The following SMYD3 variants were observed in gnomAD, a reference collection of about 807,000 sequenced individuals.
SMYD3 encodes SET and MYND domain containing 3.
SMYD3 carries 36 observed loss-of-function variants against 57.7 expected under a neutral mutation model. The observed-to-expected ratio is 0.62, with a 90% CI of 0.48 to 0.82. The LOEUF (loss-of-function observed/expected upper bound fraction) is 0.82. SMYD3 is among the 40% of genes least tolerant of loss of function. The pLI is 0.00. For synonymous variants in SMYD3, 211 were observed against 195.0 expected, an observed-to-expected ratio of 1.08 and a Z score of -0.68; for missense variants, 515 against 538.8, an observed-to-expected ratio of 0.96 and a Z score of 0.44.
chr1:245,842,177 C>T (rs192605144), intron 10 of SMYD3, among the ~76,000 whole-genome samples: 3 of 152,272 alleles, frequency 2.0e-5, no homozygotes, highest in South Asian at 4.1e-4. Context: ...TTTCTCCGAA[C>T]GTATCCCCAT....
intron 10 of SMYD3, among the ~76,000 whole-genome samples, chr1:245,797,137 AT>A (rs1429583199): frequency 6.6e-6 from 1 of 152,156 alleles, no homozygotes; most frequent in East Asian, 1.9e-4. Context: ...ATATGAGGGG[AT>A]TTGGTGAATG....
At chr1:246,021,949 C>T (rs2148229320) in intron 5 of SMYD3, among the ~76,000 whole-genome samples, 1 of 152,284 alleles carries the variant, frequency 6.6e-6, no homozygotes, top group East Asian at 1.9e-4. Context: ...AGGGGCACAG[C>T]ACTTCAAACT....
intron 5 of SMYD3, among the ~76,000 whole-genome samples, chr1:246,163,238 C>T (rs1021581279): frequency 3.3e-5 from 5 of 152,190 alleles, no homozygotes; most frequent in Non-Finnish European, 7.3e-5. Context: ...GGCTGTTTGA[C>T]ATTTTCCAGC....
intron 5 of SMYD3, among the ~76,000 whole-genome samples, chr1:246,319,259 C>CAGCTAAA (rs943252070): frequency 6.6e-6 from 1 of 152,212 alleles, no homozygotes; most frequent in African/African-American, 2.4e-5. Flanking sequence ...ATAATCCCAA[C>CAGCTAAA]AGCTAAGTAT....
intron 10 of SMYD3, among the ~76,000 whole-genome samples, chr1:245,778,473 T>A (rs532975393): frequency 1.9e-4 from 29 of 152,368 alleles, no homozygotes; most frequent in African/African-American, 6.5e-4. Context: ...CTACCTTTTC[T>A]ATTATATCCA....
At chr1:245,771,115 CACAT>C (rs1411216083) in intron 10 of SMYD3, among the ~76,000 whole-genome samples, 1 of 151,528 alleles carries the variant, frequency 6.6e-6, no homozygotes, top group South Asian at 2.1e-4. Context: ...TACATATATA[CACAT>C]ACATATATAT....
rs918680257 is a variant in SMYD3, at chr1:246,080,520, T to C, written c.532-150583A>G. 5.3e-5 allele frequency among the ~76,000 whole-genome samples: 8 copies of C among 152,296 alleles called. No homozygotes were observed. The East Asian group carries it at 1.4e-3, about 26-fold the overall frequency. ...AACTGTCTTCCACGAAACTGGTTCC[T>C]GGTGCCAGAAAGGTTGGGAACCACT... is the stretch of plus-strand genomic sequence containing the variant. On this transcript the variant is annotated intron_variant, in intron 5 of 11. Transcript: ENST00000490107.
intron 5 of SMYD3, among the ~76,000 whole-genome samples, chr1:246,096,819 A>G (rs1478477426): frequency 6.6e-6 from 1 of 152,220 alleles, no homozygotes; most frequent in African/African-American, 2.4e-5. Context: ...TTACGTGACA[A>G]CAAGTACAGT....
intron 1 of SMYD3, among the ~76,000 whole-genome samples, chr1:246,369,630 G>T (rs1003971045): frequency 2.0e-5 from 3 of 152,108 alleles, no homozygotes; most frequent in Non-Finnish European, 4.4e-5. Context: ...AGGCTCAGGT[G>T]ATTCTCCTAC....
At chr1:246,067,853 G>C (rs61841876) in intron 5 of SMYD3, among the ~76,000 whole-genome samples, 68,779 of 152,028 alleles carry the variant, frequency 0.45, 19,171 homozygotes, top group Non-Finnish European at 0.63. Flanking sequence ...GAGAGGCTGA[G>C]GTCCGTCAGC....
chr1:246,185,061 G>A (rs898287377), intron 5 of SMYD3, among the ~76,000 whole-genome samples: 3 of 152,032 alleles, frequency 2.0e-5, no homozygotes, highest in Non-Finnish European at 4.4e-5. Flanking sequence ...ACTTAATAAT[G>A]GTTTTAAAAA....
intron 2 of SMYD3, among the ~76,000 whole-genome samples, chr1:246,339,112 G>A (rs2065589261): frequency 6.6e-6 from 1 of 152,082 alleles, no homozygotes; most frequent in Admixed American, 6.6e-5. Flanking sequence ...GAATTTTCTA[G>A]GTAAATCAAA....
At chr1:246,478,677 T>C (rs1412231936) in intron 1 of SMYD3, among the ~76,000 whole-genome samples, 2 of 114,902 alleles carry the variant, frequency 1.7e-5, no homozygotes, top group East Asian at 4.7e-4. Flanking sequence ...TAAGTGCTCA[T>C]ATATGCACAC....
At chr1:246,189,884 T>C (rs2062703955) in intron 5 of SMYD3, among the ~76,000 whole-genome samples, 1 of 152,348 alleles carries the variant, frequency 6.6e-6, no homozygotes, top group South Asian at 2.1e-4. Context: ...AGGAGACACG[T>C]GTCTCTAAAA....
At chr1:246,305,371 A>G (rs1397056486) in intron 5 of SMYD3, among the ~76,000 whole-genome samples, 2 of 152,220 alleles carry the variant, frequency 1.3e-5, no homozygotes, top group Non-Finnish European at 2.9e-5. Context: ...CTTCCTTGTT[A>G]TCTTCAATGT....
intron 1 of SMYD3, among the ~76,000 whole-genome samples, chr1:246,485,614 C>A (rs565583675): frequency 2.2e-4 from 34 of 151,546 alleles, no homozygotes; most frequent in African/African-American, 3.9e-4. Flanking sequence ...AGACCCCCCC[C>A]CACATCTCTA....
At chr1:246,327,135 C>T (rs2065366983) in intron 5 of SMYD3, 66 bp downstream of exon 5, 3 of 1,598,894 alleles carry the variant, frequency 1.9e-6, no homozygotes, top group Non-Finnish European at 2.6e-6. Context: ...ATTTTTGTAA[C>T]TAACAACAAA....
chr1:246,057,430 C>T (rs1454732380), intron 5 of SMYD3, among the ~76,000 whole-genome samples: 1 of 152,172 alleles, frequency 6.6e-6, no homozygotes, highest in Non-Finnish European at 1.5e-5. Flanking sequence ...AAATGCATTG[C>T]TGTTCCTCAA....
intron 1 of SMYD3, among the ~76,000 whole-genome samples, chr1:246,380,851 C>T (rs564247333): frequency 5.9e-5 from 9 of 152,264 alleles, no homozygotes; most frequent in African/African-American, 1.9e-4. Flanking sequence ...TGGGTATAGC[C>T]ATGGGCTACT....
Sources: gnomAD v4.1 joint callset for allele counts (sites outside exome capture counted in the v4.1 genomes callset) on GRCh38, gnomAD v4.1.1 for gene constraint, MANE v1.5 for transcripts, NCBI Gene and HGNC (gene_info 2026-07-23, HGNC 2026-07-21) for gene names.